Variants in IFRD1 observed in about 807,000 individuals in gnomAD.
The protein encoded by IFRD1 is interferon-related developmental regulator 1.
In IFRD1, 35 loss-of-function variants were observed where a neutral mutation model predicts 52.9. The observed-to-expected ratio is 0.66, with a 90% CI of 0.51 to 0.88. The LOEUF is 0.88. Ranked by LOEUF, IFRD1 falls within the 40% of genes least tolerant of loss-of-function variation. IFRD1 has a pLI of 0.00. For synonymous variants in IFRD1, 184 were observed against 188.4 expected (o/e 0.98, Z 0.19); for missense variants, 517 against 550.8 (o/e 0.94, Z 0.61).
chr7:112,449,408 G>A (rs575381218), upstream of IFRD1, among the ~76,000 whole-genome samples: 3 of 152,322 alleles, frequency 2.0e-5, no homozygotes, highest in South Asian at 6.2e-4. Flanking sequence ...ATGTTGGGTT[G>A]AGGCACAAGT....
intron 8 of IFRD1, among the ~76,000 whole-genome samples, chr7:112,463,798 A>T (rs987285315): frequency 4.0e-5 from 6 of 151,426 alleles, no homozygotes; most frequent in African/African-American, 1.5e-4. Context: ...GTATAAACAT[A>T]TATATAGACA....
At chr7:112,459,388 GT>G (rs1795376606) in intron 5 of IFRD1, among the ~76,000 whole-genome samples, 1 of 152,046 alleles carries the variant, frequency 6.6e-6, no homozygotes, top group South Asian at 2.1e-4. Context: ...GGTTTTGGGG[GT>G]TTTATTTTTT....
At chr7:112,455,628 T>TA (rs1795272271) in intron 1 of IFRD1, 135 bp from the exon 2 acceptor site, 1 of 691,072 alleles carries the variant, frequency 1.4e-6, no homozygotes, top group Admixed American at 2.2e-5. Flanking sequence ...TCACTTGTGA[T>TA]AAAATCTCTT....
intron 1 of IFRD1, among the ~76,000 whole-genome samples, chr7:112,430,972 C>T (rs1205307268): frequency 2.0e-5 from 3 of 152,196 alleles, no homozygotes; most frequent in African/African-American, 7.2e-5. Context: ...TTGAGCTCCT[C>T]CTTTCTTCTT....
chr7:112,445,287 C>G (rs3128390), intron 1 of IFRD1, among the ~76,000 whole-genome samples: 2 of 151,364 alleles, frequency 1.3e-5, no homozygotes, highest in African/African-American at 2.4e-5. Flanking sequence ...AGGATGGTCT[C>G]GATCTCCTGA....
At chr7:112,462,674 G>C (rs554973154) in intron 8 of IFRD1, among the ~76,000 whole-genome samples, 2 of 152,238 alleles carry the variant, frequency 1.3e-5, no homozygotes, top group South Asian at 4.2e-4. Context: ...TTATGAAACT[G>C]CTTGAATTTC....
chr7:112,440,572 T>C (rs1186987177), intron 1 of IFRD1, among the ~76,000 whole-genome samples: 4 of 152,208 alleles, frequency 2.6e-5, no homozygotes, highest in African/African-American at 7.2e-5. Context: ...ATGAATGAAA[T>C]TTGGCAGTTC....
At chr7:112,469,112 GTT>G (rs1198369949) in intron 9 of IFRD1, among the ~76,000 whole-genome samples, 2 of 152,124 alleles carry the variant, frequency 1.3e-5, no homozygotes, top group Non-Finnish European at 2.9e-5. Flanking sequence ...TGAAGGGTGT[GTT>G]TCTTAGATTA....
At chr7:112,455,427 G>C (rs1367754545) in intron 1 of IFRD1, among the ~76,000 whole-genome samples, 2 of 152,142 alleles carry the variant, frequency 1.3e-5, no homozygotes, top group African/African-American at 4.8e-5. Flanking sequence ...GGAGGTTACA[G>C]TGAGCCAAGA....
At chr7:112,428,792 T>C (rs1794485225) in intron 1 of IFRD1, among the ~76,000 whole-genome samples, 1 of 152,182 alleles carries the variant, frequency 6.6e-6, no homozygotes, top group African/African-American at 2.4e-5. Context: ...TTAAAGCTGG[T>C]ATTAGCTTCA....
chr7:112,459,933 C>T (rs1032567588), intron 5 of IFRD1, among the ~76,000 whole-genome samples: 2 of 152,214 alleles, frequency 1.3e-5, no homozygotes, highest in Non-Finnish European at 2.9e-5. Flanking sequence ...TCTCTGTGCC[C>T]TCCAGTAGTT....
chr7:112,452,271 T>G, intron 1 of IFRD1: 1 of 319,226 alleles, frequency 3.1e-6, no homozygotes, highest in Non-Finnish European at 4.5e-6. Flanking sequence ...CAAGCAGCTC[T>G]CCCTCCTCAG....
chr7:112,445,583 A>G (rs1795010050), upstream of IFRD1, among the ~76,000 whole-genome samples: 1 of 152,200 alleles, frequency 6.6e-6, no homozygotes, highest in Non-Finnish European at 1.5e-5. Context: ...TTTTCCCCAC[A>G]TTAGTTCCTT....
intron 5 of IFRD1, 70 bp from the exon 6 acceptor site, chr7:112,461,796 A>G: frequency 2.4e-6 from 2 of 844,084 alleles, no homozygotes; most frequent in Non-Finnish European, 3.7e-6. Context: ...TGAATTATAA[A>G]AGCAGGAAGA....
At chr7:112,469,378 A>G (rs748336300) in intron 9 of IFRD1, among the ~76,000 whole-genome samples, 6 of 152,186 alleles carry the variant, frequency 3.9e-5, no homozygotes, top group Non-Finnish European at 7.3e-5. Context: ...GCTGACTCTT[A>G]TCACATTATA....
Position 112,436,027 on chromosome 7 carries a change from C to T in IFRD1, c.-182+12595C>T, listed in dbSNP as rs559819874. Among the ~76,000 whole-genome samples, 370 of 151,890 alleles carry T rather than the reference C, an allele frequency of 2.4e-3. 1 individual carries two copies. Among genetic ancestry groups the T allele is most frequent in the Non-Finnish European group, 4.4e-3 (297 of 67,958 alleles). On this transcript the variant is annotated intron_variant, in intron 1 of 12. Transcript: ENST00000005558. The stretch of plus-strand genomic sequence containing the variant: ...CCTCCCAAGTAGCTGGGATTACAGG[C>T]GTGCGCCACCATGTCTGGCTAATTT...
chr7:112,460,407 G>C (rs988472249), intron 5 of IFRD1, among the ~76,000 whole-genome samples: 2 of 151,656 alleles, frequency 1.3e-5, no homozygotes, highest in Non-Finnish European at 2.9e-5. Context: ...ACCATGTCTG[G>C]CTCGCTTTTA....
intron 9 of IFRD1, among the ~76,000 whole-genome samples, chr7:112,471,647 G>T (rs972005610): frequency 6.6e-6 from 1 of 151,976 alleles, no homozygotes; most frequent in Non-Finnish European, 1.5e-5. Context: ...TTACACCTTC[G>T]AAATGGTCTT....
chr7:112,435,369 G>A (rs944477284), intron 1 of IFRD1: 1 of 152,154 alleles, frequency 6.6e-6, no homozygotes, highest in Admixed American at 6.5e-5. Context: ...AAAGCAGAGA[G>A]AACCTCTAAA....
Sources: allele counts gnomAD v4.1 joint callset (sites outside exome capture counted in the v4.1 genomes callset), GRCh38; gene constraint gnomAD v4.1.1; transcripts MANE v1.5; gene names NCBI Gene and HGNC (gene_info 2026-07-23, HGNC 2026-07-21).